Variants in FBLN7 observed in about 807,000 individuals in gnomAD.
FBLN7 encodes the protein fibulin-7.
Under a neutral mutation model 44.0 loss-of-function variants are expected in FBLN7, and 31 were observed. The observed-to-expected ratio is 0.70, with a 90% confidence interval of 0.53 to 0.95. The LOEUF (loss-of-function observed/expected upper bound fraction) is 0.95, where lower values mean the gene tolerates loss of function less well. Ranked by LOEUF, FBLN7 falls within the 40% of genes least tolerant of loss-of-function variation. The probability of loss-of-function intolerance (pLI) is 0.00; values close to 1 mark genes in which losing one functional copy is unlikely to be tolerated. For missense variants in FBLN7, 573 were observed against 618.5 expected (o/e 0.93, Z 0.78); for synonymous variants, 262 against 253.4 (o/e 1.03, Z -0.32).
At chr2:112,160,761 C>CAG (rs1558880171) in intron 2 of FBLN7, among the ~76,000 whole-genome samples, 1,483 of 141,208 alleles carry the variant, frequency 0.011, 74 homozygotes, top group Admixed American at 0.074. Context: ...CGCACACACG[C>CAG]ACGCACACGC....
At chr2:112,175,010 T>A (rs1682664499) in intron 3 of FBLN7, among the ~76,000 whole-genome samples, 1 of 127,264 alleles carries the variant, frequency 7.9e-6, no homozygotes, top group South Asian at 2.4e-4. Context: ...AGCCTACCAC[T>A]CAGAGAAAAA....
chr2:112,211,050 G>A, the FBLN7 span, among the ~76,000 whole-genome samples: 2 of 152,148 alleles, frequency 1.3e-5, no homozygotes, highest in Admixed American at 1.3e-4. Context: ...TGTCATCTGG[G>A]GGTTGCCCTC....
rs993110541 is a variant in FBLN7 at position 112,164,993 on chromosome 2, C to A, written c.236-8C>A. 1 of 1,613,274 alleles carries A rather than the reference C, an allele frequency of 6.2e-7. No homozygotes were observed. Among genetic ancestry groups the A allele is most frequent in the Non-Finnish European group, 8.5e-7 (1 of 1,179,594 alleles). ...AGGAGCTCGTAATCCTTCCATCTCT[C>A]CTTACAGTTTCCTGCCCGGCTCTGA... On this transcript the variant is annotated splice_region_variant and splice_polypyrimidine_tract_variant and intron_variant, in intron 2 of 7. Transcript: ENST00000331203.
the FBLN7 span, among the ~76,000 whole-genome samples, chr2:112,228,168 G>T: frequency 2.0e-5 from 3 of 152,104 alleles, no homozygotes; most frequent in Non-Finnish European, 4.4e-5. Context: ...TTTGACAAAG[G>T]CATGAAGGCA....
At chr2:112,204,878 A>G in the FBLN7 span, among the ~76,000 whole-genome samples, 1 of 152,178 alleles carries the variant, frequency 6.6e-6, no homozygotes, top group Non-Finnish European at 1.5e-5. Context: ...CCAATAAAGG[A>G]AATTATGTAA....
At chr2:112,160,754 ACACACGCACGCACACGCAGACG>A (rs772623516) in intron 2 of FBLN7, among the ~76,000 whole-genome samples, 1,510 of 87,770 alleles carry the variant, frequency 0.017, 16 homozygotes, top group Middle Eastern at 0.027. Flanking sequence ...ACGCGCACGC[ACACACGCACGCACACGCAGACG>A]CACACGCACG....
chr2:112,185,034 G>T (rs1451004020), intron 6 of FBLN7, among the ~76,000 whole-genome samples, 167 bp from the exon 7 acceptor site: 2 of 151,826 alleles, frequency 1.3e-5, no homozygotes, highest in Non-Finnish European at 2.9e-5. Flanking sequence ...CATTTCCTCA[G>T]GGCCCTGATT....
chr2:112,224,973 C>A, the FBLN7 span, among the ~76,000 whole-genome samples: 1 of 152,086 alleles, frequency 6.6e-6, no homozygotes, highest in African/African-American at 2.4e-5. Flanking sequence ...CAGTGTCTCT[C>A]GGTTTTGTAA....
At chr2:112,234,539 G>A in the FBLN7 span, among the ~76,000 whole-genome samples, 12 of 152,162 alleles carry the variant, frequency 7.9e-5, no homozygotes, top group Admixed American at 7.9e-4. Context: ...AGTGGCTCAC[G>A]CCTGTAATCC....
At chr2:112,201,929 AG>A in the FBLN7 span, among the ~76,000 whole-genome samples, 1 of 152,242 alleles carries the variant, frequency 6.6e-6, no homozygotes, top group South Asian at 2.1e-4. Flanking sequence ...AGCAGATATG[AG>A]GCTGAATCAC....
chr2:112,160,380 C>T (rs909111191), intron 2 of FBLN7, among the ~76,000 whole-genome samples: 1 of 152,168 alleles, frequency 6.6e-6, no homozygotes, highest in Admixed American at 6.5e-5. Flanking sequence ...TCTCCCTCAG[C>T]CTCAATGTCA....
the FBLN7 span, among the ~76,000 whole-genome samples, chr2:112,242,876 T>C: frequency 1.3e-5 from 2 of 152,220 alleles, no homozygotes; most frequent in African/African-American, 4.8e-5. Flanking sequence ...AAAACAAGAC[T>C]ATAATCAAAG....
At chr2:112,236,920 G>A in the FBLN7 span, among the ~76,000 whole-genome samples, 1 of 152,134 alleles carries the variant, frequency 6.6e-6, no homozygotes, top group South Asian at 2.1e-4. Flanking sequence ...GCTGGGTGTG[G>A]TGGTGCACGC....
chr2:112,187,466 T>C lies in FBLN7; in HGVS notation c.1280T>C (p.Val427Ala). The change falls in exon 8 of 8, where the codon GTG (valine) becomes GCG (alanine). Residue 427 changes from valine to alanine, a missense_variant. Val to Ala is a moderately conservative substitution (Grantham distance 64). Transcript: ENST00000331203. The surrounding 1 kb of genome is among the most constrained non-coding windows in gnomAD (Gnocchi z 5.1). ...YLDRSFQANH[V>A]SKVTIFVSPY... ...GACCGCTCCTTCCAGGCCAACCACG[T>C]GTCCAAGGTCACCATCTTTGTATCC... The C allele has an allele frequency of 6.2e-7, 1 of 1,614,190 alleles. No individual in the cohort carries two copies. The highest frequency in any genetic ancestry group is 1.3e-5 in the African/African-American group (1 of 75,036).
chr2:112,226,918 T>C, the FBLN7 span, among the ~76,000 whole-genome samples: 1 of 152,144 alleles, frequency 6.6e-6, no homozygotes, highest in Non-Finnish European at 1.5e-5. Context: ...ACAACTAATA[T>C]ATCATGTGAA....
At chr2:112,181,474 CCTT>C (rs1682986904) in intron 4 of FBLN7, among the ~76,000 whole-genome samples, 1 of 152,130 alleles carries the variant, frequency 6.6e-6, no homozygotes, top group South Asian at 2.1e-4. Flanking sequence ...CCCCAGCTGT[CCTT>C]CTCGGGGTGC....
At chr2:112,226,654 A>C in the FBLN7 span, among the ~76,000 whole-genome samples, 1 of 151,876 alleles carries the variant, frequency 6.6e-6, no homozygotes, top group African/African-American at 2.4e-5. Flanking sequence ...AATAATAACA[A>C]ATTTTCATGA....
intron 1 of FBLN7, chr2:112,151,679 G>C (rs2104547975): frequency 6.6e-6 from 1 of 152,332 alleles, no homozygotes; most frequent in Non-Finnish European, 1.5e-5. Flanking sequence ...AAAGGAAATA[G>C]ACAAAATGTG....
the FBLN7 span, among the ~76,000 whole-genome samples, chr2:112,220,939 G>A: frequency 8.1e-4 from 123 of 152,306 alleles, no homozygotes; most frequent in Non-Finnish European, 1.4e-3. Context: ...TCATGAGGAT[G>A]ATCTTCTTGT....
Sources: allele counts gnomAD v4.1 joint callset (sites outside exome capture counted in the v4.1 genomes callset), GRCh38; gene constraint gnomAD v4.1.1; non-coding constraint Gnocchi (gnomAD v3.1); transcripts MANE v1.5; gene names NCBI Gene and HGNC (gene_info 2026-07-23, HGNC 2026-07-21).